Variants in CAMK2D observed in about 807,000 individuals in gnomAD.
The protein encoded by CAMK2D is calcium/calmodulin dependent protein kinase II delta, also known as calcium/calmodulin-dependent protein kinase type II subunit delta.
Under a neutral mutation model 84.0 loss-of-function variants are expected in CAMK2D, and 37 were observed. The ratio of observed to expected loss-of-function variants is 0.44; its 90% CI spans 0.34 to 0.58. The LOEUF (loss-of-function observed/expected upper bound fraction) is 0.58. Among genes scored for constraint, CAMK2D ranks in the 20% least tolerant of loss-of-function variants. The pLI, the probability that CAMK2D is intolerant of heterozygous loss-of-function variation, is 0.02. For missense variants in CAMK2D, 448 were observed against 652.5 expected, an observed-to-expected ratio of 0.69 and a Z score of 3.41; for synonymous variants, 202 against 212.5, an observed-to-expected ratio of 0.95 and a Z score of 0.43.
chr4:113,630,059 C>G (rs979335057), intron 3 of CAMK2D, among the ~76,000 whole-genome samples: 4 of 152,136 alleles, frequency 2.6e-5, no homozygotes, highest in African/African-American at 9.7e-5. Context: ...TCACTTTTAT[C>G]TTTCTTCCTA....
intron 2 of CAMK2D, among the ~76,000 whole-genome samples, chr4:113,736,830 C>T (rs984158427): frequency 6.6e-6 from 1 of 152,144 alleles, no homozygotes. Flanking sequence ...TCTGGTTCCT[C>T]GTGATTCATT....
At chr4:113,750,241 TG>T (rs1372784947) in intron 2 of CAMK2D, among the ~76,000 whole-genome samples, 1 of 152,122 alleles carries the variant, frequency 6.6e-6, no homozygotes. Context: ...TTAGAGACCA[TG>T]GAGGAGGCAG....
At chr4:113,490,575 G>A (rs1216837396) in intron 16 of CAMK2D, among the ~76,000 whole-genome samples, 2 of 148,050 alleles carry the variant, frequency 1.4e-5, no homozygotes, top group Non-Finnish European at 3.0e-5. Flanking sequence ...GTCAGGTAGT[G>A]TGATGCCTCC....
intron 3 of CAMK2D, among the ~76,000 whole-genome samples, chr4:113,647,274 T>A (rs1046962608): frequency 3.3e-5 from 5 of 152,256 alleles, no homozygotes; most frequent in Non-Finnish European, 5.9e-5. Context: ...CTACCTTGGC[T>A]CTGCTTACCG....
chr4:113,533,961 G>A (rs377574923), intron 7 of CAMK2D, among the ~76,000 whole-genome samples: 21 of 150,422 alleles, frequency 1.4e-4, no homozygotes, highest in South Asian at 4.2e-4. Context: ...ATGTTGTTTC[G>A]TATACATACT....
chr4:113,631,971 G>C (rs567370474), intron 3 of CAMK2D, among the ~76,000 whole-genome samples: 1 of 152,276 alleles, frequency 6.6e-6, no homozygotes, highest in South Asian at 2.1e-4. Context: ...ATACAAGCCT[G>C]CTTTGGTTAG....
At chr4:113,639,340 T>C (rs889906650) in intron 3 of CAMK2D, among the ~76,000 whole-genome samples, 1 of 152,172 alleles carries the variant, frequency 6.6e-6, no homozygotes. Flanking sequence ...CCATACTCTG[T>C]GCTGGATCTA....
chr4:113,687,943 T>A (rs2099364731), intron 2 of CAMK2D, among the ~76,000 whole-genome samples: 1 of 152,188 alleles, frequency 6.6e-6, no homozygotes, highest in Non-Finnish European at 1.5e-5. Context: ...AATAAAGCAG[T>A]ACACAGAATA....
At chr4:113,629,528 C>A (rs1222423091) in intron 3 of CAMK2D, among the ~76,000 whole-genome samples, 1 of 151,462 alleles carries the variant, frequency 6.6e-6, no homozygotes, top group South Asian at 2.1e-4. Flanking sequence ...TTACAGAAAA[C>A]AATACTTAAT....
At chr4:113,545,351 A>T (rs1441513582) in intron 6 of CAMK2D, among the ~76,000 whole-genome samples, 1 of 152,186 alleles carries the variant, frequency 6.6e-6, no homozygotes, top group Non-Finnish European at 1.5e-5. Context: ...ACTGATGTGG[A>T]CAAATTAAAC....
intron 3 of CAMK2D, among the ~76,000 whole-genome samples, chr4:113,620,261 A>C (rs2099040024): frequency 6.6e-6 from 1 of 152,140 alleles, no homozygotes; most frequent in African/African-American, 2.4e-5. Flanking sequence ...CAGGTGCTGC[A>C]GATAAAGCAG....
chr4:113,680,991 G>C (rs1436960481), intron 2 of CAMK2D, among the ~76,000 whole-genome samples: 7 of 152,122 alleles, frequency 4.6e-5, no homozygotes, highest in Non-Finnish European at 1.0e-4. Context: ...AGTACAAAAG[G>C]ATTTCTGTAA....
chr4:113,574,099 T>C (rs1297824561), intron 4 of CAMK2D, among the ~76,000 whole-genome samples: 1 of 152,192 alleles, frequency 6.6e-6, no homozygotes, highest in Admixed American at 6.5e-5. Context: ...GCTAAATCCT[T>C]AGCTCCACTT....
chr4:113,629,796 A>G (rs2099082205), intron 3 of CAMK2D, among the ~76,000 whole-genome samples: 1 of 135,798 alleles, frequency 7.4e-6, no homozygotes, highest in African/African-American at 3.2e-5. Context: ...AAAAAAAAAA[A>G]AAAAATAGAA....
At chr4:113,615,952 A>T (rs1382605774) in intron 3 of CAMK2D, among the ~76,000 whole-genome samples, 1 of 152,100 alleles carries the variant, frequency 6.6e-6, no homozygotes, top group Non-Finnish European at 1.5e-5. Flanking sequence ...TACATAAGGG[A>T]TATGTATTTT....
At chr4:113,664,451 G>A (rs2099249818) in intron 2 of CAMK2D, among the ~76,000 whole-genome samples, 1 of 152,192 alleles carries the variant, frequency 6.6e-6, no homozygotes, top group East Asian at 1.9e-4. Flanking sequence ...TCTTGACTGA[G>A]GAAGGATCTG....
chr4:113,494,807 G>C (rs1387387840), intron 16 of CAMK2D, among the ~76,000 whole-genome samples: 1 of 152,210 alleles, frequency 6.6e-6, no homozygotes, highest in Non-Finnish European at 1.5e-5. Context: ...GTGGGCGTAG[G>C]ACCCTCCGAG....
intron 2 of CAMK2D, among the ~76,000 whole-genome samples, chr4:113,667,188 T>TA (rs1457868140): frequency 1.3e-5 from 2 of 152,106 alleles, no homozygotes; most frequent in East Asian, 1.9e-4. Flanking sequence ...TACATTTTTT[T>TA]AAAAAATCTC....
chr4:113,508,415 T>A, intron 13 of CAMK2D: 1 of 634,204 alleles, frequency 1.6e-6, no homozygotes, highest in Non-Finnish European at 2.8e-6. Context: ...AAATGCGTTC[T>A]ATGTAAGGAT....
Sources: allele counts gnomAD v4.1 joint callset (sites outside exome capture counted in the v4.1 genomes callset), GRCh38; gene constraint gnomAD v4.1.1; transcripts MANE v1.5; gene names NCBI Gene and HGNC (gene_info 2026-07-23, HGNC 2026-07-21).